Variants in TNRC6B observed in about 807,000 individuals in gnomAD.
TNRC6B encodes trinucleotide repeat containing adaptor 6B.
Under a neutral mutation model 203.6 loss-of-function variants are expected in TNRC6B, and 52 were observed. The observed-to-expected ratio is 0.26, with a 90% confidence interval of 0.20 to 0.32. TNRC6B has a LOEUF of 0.32. Ranked by LOEUF, TNRC6B falls within the 10% of genes least tolerant of loss-of-function variation. The pLI, the probability that TNRC6B is intolerant of heterozygous loss-of-function variation, is 1.00. For missense variants in TNRC6B, 1,923 were observed against 2,286.2 expected, an observed-to-expected ratio of 0.84 and a Z score of 3.24; for synonymous variants, 838 against 845.7, an observed-to-expected ratio of 0.99 and a Z score of 0.16.
At chr22:40,106,348 T>C in intron 1 of TNRC6B, 2 of 1,191,522 alleles carry the variant, frequency 1.7e-6, no homozygotes, top group Non-Finnish European at 2.4e-6. Flanking sequence ...AGCCTGTTGA[T>C]CTGGTCCTTC....
Position 40,315,938 on chromosome 22 carries a change from A to G in TNRC6B, c.4904-4A>G. Reference sequence around the variant, plus strand: ...TTCCTAACCATTTTTCTGGTTGCTCATAGCCTCTACCTGGAGTGATGGTGG... The same window carrying G: ...TTCCTAACCATTTTTCTGGTTGCTCGTAGCCTCTACCTGGAGTGATGGTGG... On this transcript the variant is annotated splice_polypyrimidine_tract_variant and splice_region_variant and intron_variant, in intron 20 of 22. Transcript: ENST00000454349. The G allele has an allele frequency of 6.2e-7, 1 of 1,613,282 alleles. No individual in the cohort carries two copies. Among genetic ancestry groups the G allele is most frequent in the Non-Finnish European group, 8.5e-7 (1 of 1,179,404 alleles).
intron 1 of TNRC6B, among the ~76,000 whole-genome samples, chr22:40,233,582 A>C (rs942363120): frequency 3.3e-5 from 5 of 151,870 alleles, no homozygotes; most frequent in Non-Finnish European, 7.4e-5. Flanking sequence ...AGATCGCACC[A>C]CTGCACTCCA....
intron 1 of TNRC6B, among the ~76,000 whole-genome samples, chr22:40,229,913 A>G (rs1569030124): frequency 6.6e-6 from 1 of 152,192 alleles, no homozygotes; most frequent in Non-Finnish European, 1.5e-5. Context: ...CAATAAAGCT[A>G]TGAATATTCA....
At position 40,322,993 on chromosome 22, in the gene TNRC6B, G is replaced by A. The variant is rs781440298; in HGVS notation, c.5254G>A (p.Gly1752Ser). ...PAAGWQSLETGQNQSDPVGPA... is the reference protein window; with the variant it reads ...PAAGWQSLETSQNQSDPVGPA... ...TGCGGGGTGGCAGTCGCTGGAGACC[G>A]GCCAGAACCAGTCAGATCCCGTGGG... The change falls in exon 23 of 23, where the codon GGC becomes AGC. Residue 1752 changes from glycine to serine, a missense_variant. Coordinates refer to ENST00000454349, the MANE Select transcript of TNRC6B (RefSeq NM_001162501.2). The A allele has an allele frequency of 7.5e-6, 12 of 1,609,524 alleles. No individual in the cohort carries two copies. The highest frequency in any genetic ancestry group is 2.2e-5 in the South Asian group (2 of 90,400).
chr22:40,248,972 T>C (rs779914680), intron 2 of TNRC6B, among the ~76,000 whole-genome samples: 1 of 152,204 alleles, frequency 6.6e-6, no homozygotes, highest in African/African-American at 2.4e-5. Flanking sequence ...TTTCCAACCT[T>C]ATTGTAGAGA....
intron 19 of TNRC6B, among the ~76,000 whole-genome samples, chr22:40,313,419 C>T (rs1469992285): frequency 6.0e-5 from 9 of 150,870 alleles, no homozygotes; most frequent in Non-Finnish European, 2.9e-5. Context: ...AGGCTAAGGG[C>T]AGATGGCCAA....
chr22:40,228,346 C>T (rs971420732), intron 1 of TNRC6B, among the ~76,000 whole-genome samples: 2 of 151,630 alleles, frequency 1.3e-5, no homozygotes, highest in Non-Finnish European at 2.9e-5. Context: ...AGGAGAATCG[C>T]TTGAACCCGG....
intron 1 of TNRC6B, among the ~76,000 whole-genome samples, chr22:40,191,791 C>A (rs892332929): frequency 6.6e-6 from 1 of 152,076 alleles, no homozygotes; most frequent in Non-Finnish European, 1.5e-5. Context: ...CATTCTGTTG[C>A]CCAGGCTGGA....
At position 40,084,547 on chromosome 22, in the gene TNRC6B, G is replaced by C. The variant is rs535101697; in HGVS notation, c.-120-32508G>C. ...TGATAAGTGTTCTGCCAAAAAAATT[G>C]AGTTCTGGGACAGAAAGAGGATAGA... On this transcript the variant is annotated intron_variant, in intron 1 of 23. Transcript: ENST00000301923. Among the ~76,000 whole-genome samples, 12 of 152,336 alleles carry C rather than the reference G, an allele frequency of 7.9e-5. No individual in the cohort carries two copies. In the South Asian group the frequency reaches 2.5e-3, roughly 32 times the overall value.
At chr22:40,203,758 G>A (rs2069443483) in intron 1 of TNRC6B, among the ~76,000 whole-genome samples, 1 of 152,214 alleles carries the variant, frequency 6.6e-6, no homozygotes, top group Admixed American at 6.5e-5. Flanking sequence ...CATGGCAGGT[G>A]CTGCTGAGAA....
At chr22:40,298,723 T>G (rs12160369) in intron 12 of TNRC6B, among the ~76,000 whole-genome samples, 11 of 151,666 alleles carry the variant, frequency 7.3e-5, no homozygotes, top group African/African-American at 2.7e-4. Context: ...TCTCAGCACT[T>G]TGGGAGGCCG....
At chr22:40,293,514 G>T (rs962391224) in intron 12 of TNRC6B, among the ~76,000 whole-genome samples, 7 of 151,468 alleles carry the variant, frequency 4.6e-5, no homozygotes, top group African/African-American at 1.7e-4. Context: ...TCTCATGTTT[G>T]TCTCCCAGGA....
intron 3 of TNRC6B, among the ~76,000 whole-genome samples, chr22:40,253,030 G>A (rs1370837449): frequency 6.6e-6 from 1 of 152,030 alleles, no homozygotes; most frequent in Non-Finnish European, 1.5e-5. Context: ...GTAGAACTGA[G>A]CTCCTCTGTA....
At chr22:40,150,985 C>A (rs1440820726) in intron 3 of TNRC6B, among the ~76,000 whole-genome samples, 1 of 152,124 alleles carries the variant, frequency 6.6e-6, no homozygotes, top group Non-Finnish European at 1.5e-5. Flanking sequence ...TCTTTAGGGT[C>A]TCGCTCTTAA....
intron 3 of TNRC6B, among the ~76,000 whole-genome samples, chr22:40,148,026 T>C (rs1026496700): frequency 6.6e-6 from 1 of 152,174 alleles, no homozygotes; most frequent in African/African-American, 2.4e-5. Flanking sequence ...CAGGTGAACT[T>C]TATGGCATAT....
At chr22:40,073,711 C>T (rs1288632337) in intron 1 of TNRC6B, among the ~76,000 whole-genome samples, 6 of 151,528 alleles carry the variant, frequency 4.0e-5, no homozygotes, top group East Asian at 3.9e-4. Flanking sequence ...GCAAGGAGTT[C>T]GAGACCAGTC....
intron 3 of TNRC6B, among the ~76,000 whole-genome samples, chr22:40,134,043 A>G (rs1366114293): frequency 1.3e-5 from 2 of 151,590 alleles, no homozygotes; most frequent in Non-Finnish European, 2.9e-5. Context: ...ATTGTGTTTC[A>G]GATATCTTGA....
At position 40,333,052 on chromosome 22, in the gene TNRC6B, A is replaced by C. The variant is rs1483583825; in HGVS notation, c.*9811A>C. ...ACAGTGACAGCAGACCAGTATGTAA[A>C]CCCTGTCTTGGCTGGGCGCGGTGGC... is the stretch of plus-strand genomic sequence containing the variant. On this transcript the variant is annotated 3_prime_UTR_variant, in exon 23 of 23. Transcript: ENST00000454349. 6.6e-6 allele frequency: 1 copy of C among 151,848 alleles called. No homozygotes were observed. Among genetic ancestry groups the C allele is most frequent in the Admixed American group, 6.6e-5 (1 of 15,224 alleles). 9.4% of individuals were successfully genotyped at this position (151,848 alleles called of 1,614,324 possible).
chr22:40,149,422 A>G (rs1481303396), intron 3 of TNRC6B, among the ~76,000 whole-genome samples: 1 of 152,150 alleles, frequency 6.6e-6, no homozygotes, highest in Non-Finnish European at 1.5e-5. Context: ...TAATCCCAGC[A>G]CTTCGGGAGG....
Sources: gnomAD v4.1 joint callset for allele counts (sites outside exome capture counted in the v4.1 genomes callset) on GRCh38, gnomAD v4.1.1 for gene constraint, MANE v1.5 for transcripts, NCBI Gene and HGNC (gene_info 2026-07-23, HGNC 2026-07-21) for gene names.